Variants in VAV3 observed in about 807,000 individuals in gnomAD.
The protein encoded by VAV3 is vav guanine nucleotide exchange factor 3.
In VAV3, 94 loss-of-function variants were observed where a neutral mutation model predicts 131.2. The observed-to-expected ratio is 0.72, with a 90% CI of 0.61 to 0.85. The LOEUF is 0.85. Ranked by LOEUF, VAV3 falls within the 40% of genes least tolerant of loss-of-function variation. The pLI is 0.00. For synonymous variants in VAV3, 349 were observed against 342.0 expected (o/e 1.02, Z -0.22); for missense variants, 939 against 1,002.7 (o/e 0.94, Z 0.86).
At chr1:107,794,744 C>T (rs1233468837) in intron 2 of VAV3, among the ~76,000 whole-genome samples, 1 of 152,152 alleles carries the variant, frequency 6.6e-6, no homozygotes, top group East Asian at 1.9e-4. Flanking sequence ...GAGCATTTTT[C>T]AGTCATTAGC....
chr1:107,902,139 C>G (rs1052526018), intron 1 of VAV3, among the ~76,000 whole-genome samples: 11 of 152,074 alleles, frequency 7.2e-5, no homozygotes, highest in African/African-American at 2.7e-4. Context: ...ATTAAGCATG[C>G]CTTAAACTAA....
chr1:107,656,657 C>G (rs562264734), intron 19 of VAV3, among the ~76,000 whole-genome samples: 2 of 152,060 alleles, frequency 1.3e-5, no homozygotes, highest in African/African-American at 4.8e-5. Flanking sequence ...GGTAGATATC[C>G]CAATGAACCC....
At chr1:107,853,464 G>C (rs1369198207) in intron 2 of VAV3, among the ~76,000 whole-genome samples, 3 of 151,778 alleles carry the variant, frequency 2.0e-5, no homozygotes, top group African/African-American at 7.3e-5. Flanking sequence ...CCTTTTACTT[G>C]GGGGTACTTT....
At chr1:107,866,255 C>G (rs1350491063) in intron 2 of VAV3, among the ~76,000 whole-genome samples, 1 of 152,138 alleles carries the variant, frequency 6.6e-6, no homozygotes, top group Non-Finnish European at 1.5e-5. Flanking sequence ...TCTTTTTCTG[C>G]CTTATGCCCC....
At chr1:107,940,604 CA>C (rs1048145399) in intron 1 of VAV3, among the ~76,000 whole-genome samples, 2 of 152,080 alleles carry the variant, frequency 1.3e-5, no homozygotes, top group Non-Finnish European at 2.9e-5. Context: ...AATGAAAAAG[CA>C]AACAAAAAGT....
At chr1:107,754,354 A>G (rs1663966593) in intron 12 of VAV3, among the ~76,000 whole-genome samples, 1 of 152,212 alleles carries the variant, frequency 6.6e-6, no homozygotes, top group African/African-American at 2.4e-5. Context: ...TGAAATGGGT[A>G]TGTGGCTGCA....
chr1:107,660,599 AG>A (rs1186195217), intron 19 of VAV3, among the ~76,000 whole-genome samples: 6 of 152,206 alleles, frequency 3.9e-5, no homozygotes, highest in Non-Finnish European at 8.8e-5. Context: ...GTGGCTGCAA[AG>A]TGAAGGAGAT....
chr1:107,950,534 C>T (rs1230257330), intron 1 of VAV3, among the ~76,000 whole-genome samples: 1 of 152,160 alleles, frequency 6.6e-6, no homozygotes, highest in Non-Finnish European at 1.5e-5. Flanking sequence ...TTATGAGGCA[C>T]TGCAAAGAGG....
intron 19 of VAV3, among the ~76,000 whole-genome samples, chr1:107,644,858 A>G (rs142472390): frequency 1.1e-3 from 162 of 151,950 alleles, no homozygotes; most frequent in African/African-American, 3.7e-3. Context: ...AATGCCCACC[A>G]CATGCCCATA....
At chr1:107,712,257 A>C (rs779249145) in intron 15 of VAV3, among the ~76,000 whole-genome samples, 1 of 151,964 alleles carries the variant, frequency 6.6e-6, no homozygotes, top group Non-Finnish European at 1.5e-5. Flanking sequence ...GTGTAGAGCA[A>C]GCTTGTCCAG....
Position 107,573,355 on chromosome 1 carries a change from G to A in VAV3, c.2520C>T (p.Ser840=). Residue 840 remains serine (S), a synonymous_variant, in exon 27 of 27, where the codon TCC becomes TCT. Coordinates refer to ENST00000370056, the MANE Select transcript of VAV3 (RefSeq NM_006113.5). ...EVNGRVGWFP[S]TYVEEDE ...TTTATTCATCCTCTTCCACATATGTGGATGGAAACCAGCCCACCTAAAAAA... is the reference window on the plus strand; with the variant it reads ...TTTATTCATCCTCTTCCACATATGTAGATGGAAACCAGCCCACCTAAAAAA... 1 of 1,613,970 alleles carries A rather than the reference G, an allele frequency of 6.2e-7. No homozygotes were observed. Among genetic ancestry groups the A allele is most frequent in the Non-Finnish European group, 8.5e-7 (1 of 1,179,974 alleles).
intron 15 of VAV3, among the ~76,000 whole-genome samples, chr1:107,718,887 C>T (rs1661303516): frequency 1.3e-5 from 2 of 152,094 alleles, no homozygotes; most frequent in East Asian, 1.9e-4. Flanking sequence ...GAACAGAGGC[C>T]ACAGAAATAA....
intron 1 of VAV3, among the ~76,000 whole-genome samples, chr1:107,894,681 T>C (rs1053709232): frequency 5.3e-5 from 8 of 152,196 alleles, no homozygotes; most frequent in Non-Finnish European, 1.0e-4. Flanking sequence ...ACGGCAGATA[T>C]AAATATTATA....
chr1:107,945,107 G>A (rs1674186176), intron 1 of VAV3, among the ~76,000 whole-genome samples: 1 of 152,160 alleles, frequency 6.6e-6, no homozygotes, highest in South Asian at 2.1e-4. Flanking sequence ...CAGCCACCTG[G>A]ATGGTTTAGG....
intron 15 of VAV3, among the ~76,000 whole-genome samples, chr1:107,722,559 A>G (rs535353395): frequency 6.6e-6 from 1 of 152,318 alleles, no homozygotes; most frequent in South Asian, 2.1e-4. Flanking sequence ...GACTTATTTC[A>G]AAGAACATTT....
intron 25 of VAV3, among the ~76,000 whole-genome samples, chr1:107,587,263 A>G (rs1422928880): frequency 1.3e-5 from 2 of 152,224 alleles, no homozygotes; most frequent in Non-Finnish European, 1.5e-5. Context: ...TCAGCTTATT[A>G]ATGTTATTAA....
intron 25 of VAV3, among the ~76,000 whole-genome samples, chr1:107,589,492 C>G (rs1033565135): frequency 3.9e-5 from 6 of 152,308 alleles, no homozygotes; most frequent in African/African-American, 1.4e-4. Context: ...TCCCTCAGAG[C>G]CTCCAGGAAG....
chr1:107,756,182 C>A (rs1446724060), intron 11 of VAV3, among the ~76,000 whole-genome samples: 1 of 152,110 alleles, frequency 6.6e-6, no homozygotes, highest in Non-Finnish European at 1.5e-5. Flanking sequence ...TTTAAAATGT[C>A]TTTTCTCATA....
At chr1:107,738,205 G>A (rs1662788676) in intron 15 of VAV3, among the ~76,000 whole-genome samples, 1 of 152,154 alleles carries the variant, frequency 6.6e-6, no homozygotes, top group African/African-American at 2.4e-5. Context: ...GGGCCCATCT[G>A]GGGTGAGGGA....
Sources: gnomAD v4.1 joint callset for allele counts (sites outside exome capture counted in the v4.1 genomes callset) on GRCh38, gnomAD v4.1.1 for gene constraint, MANE v1.5 for transcripts, NCBI Gene and HGNC (gene_info 2026-07-23, HGNC 2026-07-21) for gene names.